The following GRK5 variants were observed in gnomAD, a reference collection of about 807,000 sequenced individuals.
The protein encoded by GRK5 is g protein-coupled receptor kinase GRK5.
A neutral mutation model predicts 78.4 loss-of-function variants in GRK5; 40 were observed. The observed-to-expected ratio is 0.51, with a 90% confidence interval of 0.40 to 0.66. The LOEUF is 0.66. Among genes scored for constraint, GRK5 ranks in the 30% least tolerant of loss-of-function variants. The probability of loss-of-function intolerance (pLI) is 0.00; values close to 1 mark genes in which losing one functional copy is unlikely to be tolerated. For synonymous variants in GRK5, 289 were observed against 296.8 expected (o/e 0.97, Z 0.27); for missense variants, 598 against 759.9 (o/e 0.79, Z 2.50).
At chr10:119,413,635 G>A (rs1452271364) in intron 4 of GRK5, among the ~76,000 whole-genome samples, 1 of 152,020 alleles carries the variant, frequency 6.6e-6, no homozygotes, top group Non-Finnish European at 1.5e-5. Flanking sequence ...ATCCTGATAA[G>A]CAGGAATGAG....
At position 119,275,586 on chromosome 10, in the gene GRK5, C is replaced by T. The variant is rs576548643; in HGVS notation, c.53-50930C>T. ...TCTAAGGCATGCTTGTGCGTGTGCA[C>T]GCTCTCTCTCTCTCTCTCTCTCTCT... On this transcript the variant is annotated intron_variant, in intron 1 of 15. Coordinates refer to ENST00000392870, the MANE Select transcript of GRK5 (RefSeq NM_005308.3). Among the ~76,000 whole-genome samples the T allele has an allele frequency of 1.8e-3, 223 of 124,390 alleles. 1 individual carries two copies. Among genetic ancestry groups the T allele is most frequent in the South Asian group, 0.018 (61 of 3,438 alleles). The allele number at this position is 124,390 out of a possible 152,430, so 81.6% of individuals were successfully genotyped here.
chr10:119,312,133 G>C (rs553116618), intron 1 of GRK5, among the ~76,000 whole-genome samples: 2 of 152,242 alleles, frequency 1.3e-5, no homozygotes, highest in Non-Finnish European at 2.9e-5. Flanking sequence ...GGATGGTCTC[G>C]ATCTCCTGAC....
At chr10:119,305,389 A>G (rs1273290725) in intron 1 of GRK5, among the ~76,000 whole-genome samples, 1 of 152,140 alleles carries the variant, frequency 6.6e-6, no homozygotes, top group East Asian at 1.9e-4. Flanking sequence ...TCGTTCACAG[A>G]CATGTCAGAG....
chr10:119,370,159 C>A (rs1437951265), intron 2 of GRK5, among the ~76,000 whole-genome samples: 1 of 152,144 alleles, frequency 6.6e-6, no homozygotes, highest in African/African-American at 2.4e-5. Flanking sequence ...GAGGCAGGGG[C>A]CCGCACAAGC....
At position 119,453,133 on chromosome 10, in the gene GRK5, C is replaced by A; in HGVS notation, c.1543-12C>A. ...GTTGACGGCCTGTGTTTTGTTTTCACGGCCCCTCCAGATGATAGAAACAGA... is the reference window on the plus strand; with the variant it reads ...GTTGACGGCCTGTGTTTTGTTTTCAAGGCCCCTCCAGATGATAGAAACAGA... On this transcript the variant is annotated splice_polypyrimidine_tract_variant and intron_variant, in intron 14 of 15. Transcript: ENST00000392870. The A allele has an allele frequency of 6.7e-7, 1 of 1,492,434 alleles. No homozygotes were observed. The highest frequency in any genetic ancestry group is 9.4e-7 in the Non-Finnish European group (1 of 1,068,920). 92.4% of individuals were successfully genotyped at this position (1,492,434 alleles called of 1,614,324 possible).
intron 2 of GRK5, among the ~76,000 whole-genome samples, chr10:119,355,717 TTGCAA>T (rs1228101782): frequency 6.6e-6 from 1 of 152,032 alleles, no homozygotes; most frequent in African/African-American, 2.4e-5. Flanking sequence ...GAGGCAGAGG[TTGCAA>T]TGAGCTGAGA....
At chr10:119,216,977 C>T (rs1848586254) in intron 1 of GRK5, among the ~76,000 whole-genome samples, 1 of 152,120 alleles carries the variant, frequency 6.6e-6, no homozygotes, top group Non-Finnish European at 1.5e-5. Context: ...AAAAGGGAGT[C>T]ACTTGTTCAA....
intron 4 of GRK5, among the ~76,000 whole-genome samples, chr10:119,400,521 A>C (rs569508499): frequency 3.9e-5 from 6 of 151,996 alleles, no homozygotes; most frequent in Non-Finnish European, 8.8e-5. Context: ...CTTCCTACCC[A>C]GAGTTACCTG....
chr10:119,262,182 C>T (rs1018494297), intron 1 of GRK5, among the ~76,000 whole-genome samples: 11 of 152,076 alleles, frequency 7.2e-5, no homozygotes, highest in Non-Finnish European at 1.0e-4. Flanking sequence ...CCAATCAGCC[C>T]ACCAGGAAAT....
chr10:119,394,232 G>GCTATGTGGATGTGTGGA (rs201863220), intron 3 of GRK5, among the ~76,000 whole-genome samples: 5 of 21,498 alleles, frequency 2.3e-4, no homozygotes, highest in African/African-American at 3.8e-4. Context: ...GTGGGTGTGG[G>GCTATGTGGATGTGTGGA]TGTGTGGGTG....
chr10:119,215,292 T>C (rs1408547446), intron 1 of GRK5, among the ~76,000 whole-genome samples: 1 of 152,168 alleles, frequency 6.6e-6, no homozygotes, highest in Non-Finnish European at 1.5e-5. Flanking sequence ...ATTCCCATCA[T>C]TGCAGAAAGC....
intron 1 of GRK5, among the ~76,000 whole-genome samples, chr10:119,313,141 T>C (rs1284537534): frequency 1.1e-4 from 17 of 150,860 alleles, no homozygotes; most frequent in Non-Finnish European, 2.2e-4. Context: ...GTAATGATGG[T>C]AGTGGTGATG....
chr10:119,431,530 G>A lies in GRK5; in HGVS notation c.738+3G>A, dbSNP rs563597805. 1 of 1,612,286 alleles carries A rather than the reference G, an allele frequency of 6.2e-7. No homozygotes were observed. The highest frequency in any genetic ancestry group is 1.3e-5 in the African/African-American group (1 of 74,994). ...AGAAGGTCAACAGTCAGTTTGTGGT[G>A]AGTGAGCATCTGGGCCCAGTGACCG... is the stretch of plus-strand genomic sequence containing the variant. On this transcript the variant is annotated splice_donor_region_variant and intron_variant, in intron 8 of 15. Coordinates refer to ENST00000392870, the MANE Select transcript of GRK5 (RefSeq NM_005308.3). The surrounding 1 kb of genome is among the most constrained non-coding windows in gnomAD (Gnocchi z 4.8).
Position 119,380,823 on chromosome 10 carries a change from T to C in GRK5, c.157T>C (p.Tyr53His). 6.2e-7 allele frequency: 1 copy of C among 1,606,916 alleles called. No homozygotes were observed. Among genetic ancestry groups the C allele is most frequent in the Non-Finnish European group, 8.5e-7 (1 of 1,173,544 alleles). Residue 53 changes from tyrosine (Y) to histidine (H), a missense_variant, in exon 3 of 16, where the codon TAC becomes CAC. Transcript: ENST00000392870. ...EDLRRTIDRDYCSLCDKQPIG... is the reference protein window; with the variant it reads ...EDLRRTIDRDHCSLCDKQPIG... ...TCTTTTCTTGTCTCCAGACAGAGAT[T>C]ACTGCAGTTTATGTGACAAGCAGCC...
intron 1 of GRK5, among the ~76,000 whole-genome samples, chr10:119,298,494 G>T (rs1416985205): frequency 6.6e-6 from 1 of 152,168 alleles, no homozygotes; most frequent in East Asian, 1.9e-4. Context: ...CATTGACTCT[G>T]CCAGGGTGTT....
chr10:119,451,096 C>T (rs1459044992), intron 13 of GRK5, among the ~76,000 whole-genome samples: 1 of 98,560 alleles, frequency 1.0e-5, no homozygotes, highest in African/African-American at 4.1e-5. Context: ...TCCCTGCCAG[C>T]CCCCCACCGT....
At chr10:119,373,939 T>C (rs1197394108) in intron 2 of GRK5, among the ~76,000 whole-genome samples, 2 of 152,186 alleles carry the variant, frequency 1.3e-5, no homozygotes, top group African/African-American at 2.4e-5. Flanking sequence ...AAAGAGACCA[T>C]ATGGCCCTCA....
chr10:119,349,848 G>A (rs1253462489), intron 2 of GRK5, among the ~76,000 whole-genome samples: 1 of 152,244 alleles, frequency 6.6e-6, no homozygotes. Flanking sequence ...GCCTTTGGTG[G>A]TTGCTCATAC....
chr10:119,366,292 A>G (rs986048844), intron 2 of GRK5, among the ~76,000 whole-genome samples: 10 of 152,078 alleles, frequency 6.6e-5, no homozygotes, highest in African/African-American at 2.2e-4. Context: ...GCTTTCATCA[A>G]TTGCATATTT....
Sources: gnomAD v4.1 joint callset for allele counts (sites outside exome capture counted in the v4.1 genomes callset) on GRCh38, gnomAD v4.1.1 for gene constraint, Gnocchi (gnomAD v3.1) non-coding constraint, MANE v1.5 for transcripts, NCBI Gene and HGNC (gene_info 2026-07-23, HGNC 2026-07-21) for gene names.